TRIM14: variants seen among roughly 807,000 people sequenced by gnomAD.
TRIM14 encodes tripartite motif-containing protein 14.
TRIM14 carries 28 observed loss-of-function variants against 44.5 expected under a neutral mutation model. The ratio of observed to expected loss-of-function variants is 0.63; its 90% CI spans 0.47 to 0.86. The LOEUF (loss-of-function observed/expected upper bound fraction) is 0.86, where lower values mean the gene tolerates loss of function less well. Among genes scored for constraint, TRIM14 ranks in the 40% least tolerant of loss-of-function variants. TRIM14 has a pLI of 0.00. For missense variants in TRIM14, 607 were observed against 611.1 expected, an observed-to-expected ratio of 0.99 and a Z score of 0.07; for synonymous variants, 299 against 269.2, an observed-to-expected ratio of 1.11 and a Z score of -1.08.
At chr9:98,056,722 A>C in the TRIM14 span, 2 of 1,508,282 alleles carry the variant, frequency 1.3e-6, no homozygotes, top group Middle Eastern at 2.2e-4. Context: ...TGGGTCTCGC[A>C]GCGTTGCTCA....
intron 2 of TRIM14, 51 bp downstream of exon 2, chr9:98,109,837 TG>T (rs1564188676): frequency 2.0e-6 from 3 of 1,479,632 alleles, no homozygotes; most frequent in Non-Finnish European, 2.8e-6. Context: ...CCCTTTTGTC[TG>T]GGGGGAAATG....
chr9:98,070,010 T>C (rs1829266078), intron 6 of TRIM14, among the ~76,000 whole-genome samples: 2 of 152,336 alleles, frequency 1.3e-5, no homozygotes, highest in South Asian at 2.1e-4. Flanking sequence ...TGGGGGAAAC[T>C]GGGGGAAGAG....
intron 6 of TRIM14, among the ~76,000 whole-genome samples, chr9:98,077,563 T>G (rs916713216): frequency 2.0e-5 from 3 of 152,046 alleles, no homozygotes; most frequent in Non-Finnish European, 4.4e-5. Flanking sequence ...ACAGTATATA[T>G]AAAACCTAGC....
chr9:98,093,360 G>C (rs1826068505), intron 4 of TRIM14, among the ~76,000 whole-genome samples: 1 of 152,176 alleles, frequency 6.6e-6, no homozygotes, highest in South Asian at 2.1e-4. Context: ...GACATACGTG[G>C]TGCTTAATAT....
At chr9:98,116,493 T>G (rs1195034356) in intron 1 of TRIM14, among the ~76,000 whole-genome samples, 1 of 152,054 alleles carries the variant, frequency 6.6e-6, no homozygotes, top group East Asian at 1.9e-4. Flanking sequence ...ATCACAGGCA[T>G]AGTCTGATGG....
In TRIM14 at chr9:98,087,473, G is replaced by A. The variant is rs755454435; in HGVS notation, c.1326C>T (p.Pro442=). The part of the protein sequence containing the change: ...WEGAISIPRL[P] The stretch of plus-strand genomic sequence containing the variant: ...GCTGTCACGCCGGTCCTGGCCCCTA[G>A]GGCAGCCGGGGGATGCTGATGGCCC... The change falls in exon 6 of 6, where the codon CCC becomes CCT. Residue 442 remains proline (P), a synonymous_variant. Transcript: ENST00000341469. 8.7e-5 allele frequency: 140 copies of A among 1,603,946 alleles called. No individual in the cohort carries two copies. The highest frequency in any genetic ancestry group is 1.1e-4 in the Non-Finnish European group (133 of 1,174,620).
chr9:98,044,177 C>T, the TRIM14 span, among the ~76,000 whole-genome samples: 1 of 151,652 alleles, frequency 6.6e-6, no homozygotes, highest in African/African-American at 2.4e-5. Context: ...TAAGCCCCTT[C>T]AGGAGGGCTG....
At chr9:98,041,993 T>A in the TRIM14 span, among the ~76,000 whole-genome samples, 1 of 151,608 alleles carries the variant, frequency 6.6e-6, no homozygotes, top group Non-Finnish European at 1.5e-5. Context: ...TAAGGACATC[T>A]TTTAAAAAAA....
chr9:98,056,762 G>A, the TRIM14 span: 2 of 1,593,008 alleles, frequency 1.3e-6, no homozygotes, highest in African/African-American at 1.3e-5. Flanking sequence ...CGGCGGCGGC[G>A]GCCGGACCCA....
chr9:98,067,573 A>G (rs1419651560), downstream of TRIM14, among the ~76,000 whole-genome samples: 2 of 152,028 alleles, frequency 1.3e-5, no homozygotes, highest in African/African-American at 4.8e-5. Context: ...TAAGAATTGG[A>G]TTATTTTTCT....
chr9:98,097,666 C>A (rs983538858), intron 3 of TRIM14, among the ~76,000 whole-genome samples: 4 of 152,082 alleles, frequency 2.6e-5, no homozygotes, highest in African/African-American at 9.7e-5. Context: ...TGGCTCAGTA[C>A]ATATTGATGA....
At chr9:98,045,584 C>T in the TRIM14 span, among the ~76,000 whole-genome samples, 1 of 152,224 alleles carries the variant, frequency 6.6e-6, no homozygotes. Context: ...CGTAAACCTT[C>T]TTCCACCACA....
chr9:98,111,575 T>A (rs1417624880), intron 1 of TRIM14, among the ~76,000 whole-genome samples: 3 of 152,100 alleles, frequency 2.0e-5, no homozygotes, highest in African/African-American at 7.2e-5. Flanking sequence ...CAGGCAAAAT[T>A]GTTAAGAATG....
In TRIM14 at chr9:98,109,935, T is replaced by A. The variant is rs745965352; in HGVS notation, c.257A>T (p.His86Leu). Residue 86 changes from histidine to leucine, a missense_variant, in exon 2 of 6, where the codon CAC (histidine) becomes CTC (leucine). Transcript: ENST00000341469. ...TTCTATCTGGGTTATGTTGTCAATG[T>A]GCTGCTGCTTCTTGATTGCCAGCTG... ...LKQLAIKKQQ[H>L]IDNITQIEDA... 6.2e-7 allele frequency: 1 copy of A among 1,614,126 alleles called. No individual in the cohort carries two copies. Among genetic ancestry groups the A allele is most frequent in the South Asian group, 1.1e-5 (1 of 91,076 alleles).
intron 2 of TRIM14, among the ~76,000 whole-genome samples, chr9:98,107,827 A>AT (rs1333165220): frequency 8.0e-6 from 1 of 124,304 alleles, no homozygotes; most frequent in Non-Finnish European, 1.7e-5. Context: ...CATTCCCGGC[A>AT]TTTTTTTGTA....
At chr9:98,077,141 T>A in intron 6 of TRIM14, 3 of 709,938 alleles carry the variant, frequency 4.2e-6, no homozygotes, top group East Asian at 5.5e-5. Context: ...TTCATTTTTT[T>A]AAATAGAGAT....
chr9:98,098,828 C>T (rs140299405), intron 3 of TRIM14, among the ~76,000 whole-genome samples: 28 of 152,182 alleles, frequency 1.8e-4, no homozygotes, highest in African/African-American at 5.3e-4. Flanking sequence ...CTCTGTTACC[C>T]GGCCTGGAGT....
intron 3 of TRIM14, among the ~76,000 whole-genome samples, chr9:98,099,159 A>G (rs1313740314): frequency 6.6e-6 from 1 of 151,896 alleles, no homozygotes; most frequent in Non-Finnish European, 1.5e-5. Context: ...TCAATTTAAG[A>G]CTATAAAGGC....
downstream of TRIM14, among the ~76,000 whole-genome samples, chr9:98,068,360 G>C (rs1275007489): frequency 6.6e-6 from 1 of 151,524 alleles, no homozygotes; most frequent in Non-Finnish European, 1.5e-5. Flanking sequence ...GGCTGGTCTC[G>C]AACTCCTGAT....
Sources: allele counts gnomAD v4.1 joint callset (sites outside exome capture counted in the v4.1 genomes callset), GRCh38; gene constraint gnomAD v4.1.1; transcripts MANE v1.5; gene names NCBI Gene and HGNC (gene_info 2026-07-23, HGNC 2026-07-21).